The following GLG1 variants were observed in gnomAD, a reference collection of about 807,000 sequenced individuals.
GLG1 encodes the protein Golgi apparatus protein 1.
A neutral mutation model predicts 160.5 loss-of-function variants in GLG1; 38 were observed. The ratio of observed to expected loss-of-function variants is 0.24; its 90% confidence interval spans 0.18 to 0.31. The LOEUF (loss-of-function observed/expected upper bound fraction) is 0.31. Ranked by LOEUF, GLG1 falls within the 10% of genes least tolerant of loss-of-function variation. The pLI is 1.00. For missense variants in GLG1, 1,373 were observed against 1,505.2 expected (o/e 0.91, Z 1.45); for synonymous variants, 644 against 543.4 (o/e 1.19, Z -2.57).
chr16:74,590,030 T>C (rs1265902353), intron 1 of GLG1, among the ~76,000 whole-genome samples: 3 of 152,106 alleles, frequency 2.0e-5, no homozygotes, highest in Non-Finnish European at 4.4e-5. Context: ...AGATGGAGTC[T>C]AGCTCTGTAG....
chr16:74,578,377 T>C (rs1957862723), intron 1 of GLG1, among the ~76,000 whole-genome samples: 1 of 152,228 alleles, frequency 6.6e-6, no homozygotes, highest in South Asian at 2.1e-4. Context: ...TAGGATGTCT[T>C]ACTTTATGAA....
At chr16:74,572,504 C>T (rs1414801309) in intron 1 of GLG1, among the ~76,000 whole-genome samples, 2 of 144,034 alleles carry the variant, frequency 1.4e-5, no homozygotes, top group Non-Finnish European at 3.0e-5. Context: ...CAGAGTGAGA[C>T]TCTGTCTCAA....
chr16:74,577,239 G>A (rs1355500811), intron 1 of GLG1, among the ~76,000 whole-genome samples: 1 of 152,018 alleles, frequency 6.6e-6, no homozygotes, highest in African/African-American at 2.4e-5. Context: ...TAGACATTGA[G>A]GACTGGGTGT....
chr16:74,514,759 CATA>C, intron 2 of GLG1, among the ~76,000 whole-genome samples: 1 of 152,274 alleles, frequency 6.6e-6, no homozygotes, highest in South Asian at 2.1e-4. Flanking sequence ...CAGCTAGCAT[CATA>C]ATGACAGGAT....
At chr16:74,459,645 AGAAAT>A (rs2014705923) in intron 23 of GLG1, 32 bp downstream of exon 23, 3 of 1,051,772 alleles carry the variant, frequency 2.9e-6, no homozygotes, top group Admixed American at 2.2e-5. Flanking sequence ...AAAAAAAAAA[AGAAAT>A]GAAGTGAGGA....
intron 10 of GLG1, among the ~76,000 whole-genome samples, chr16:74,482,795 C>G (rs766603589): frequency 3.3e-5 from 5 of 152,126 alleles, no homozygotes; most frequent in Non-Finnish European, 7.3e-5. Context: ...CTTCCAAAGT[C>G]GTGGTGAACA....
chr16:74,490,278 C>T (rs1351757308), intron 8 of GLG1, among the ~76,000 whole-genome samples: 4 of 151,968 alleles, frequency 2.6e-5, no homozygotes, highest in Non-Finnish European at 4.4e-5. Context: ...TGTTTATAAA[C>T]GCTAGATCAA....
chr16:74,510,552 A>C (rs1407216312), intron 2 of GLG1, among the ~76,000 whole-genome samples: 3 of 152,192 alleles, frequency 2.0e-5, no homozygotes, highest in African/African-American at 7.2e-5. Flanking sequence ...ATGAAGATGT[A>C]TGTATATATT....
intron 1 of GLG1, among the ~76,000 whole-genome samples, chr16:74,563,737 A>C (rs558328490): frequency 2.6e-5 from 4 of 152,136 alleles, no homozygotes; most frequent in Non-Finnish European, 4.4e-5. Context: ...AAAAAAAAAA[A>C]AAAGAAAGAA....
At chr16:74,542,708 G>GGAAGGGAGGGAGGGA in intron 1 of GLG1, among the ~76,000 whole-genome samples, 1 of 49,944 alleles carries the variant, frequency 2.0e-5, no homozygotes, top group South Asian at 8.5e-4. Context: ...GAGGGAGGAA[G>GGAAGGGAGGGAGGGA]GGAAGAAGGG....
intron 12 of GLG1, among the ~76,000 whole-genome samples, chr16:74,476,106 C>T (rs182335775): frequency 5.3e-5 from 8 of 151,962 alleles, no homozygotes; most frequent in Admixed American, 3.3e-4. Context: ...TGCTTGAACC[C>T]GGGAGGCAGA....
intron 4 of GLG1, among the ~76,000 whole-genome samples, chr16:74,501,871 CCTTT>C (rs565144623): frequency 3.4e-4 from 52 of 152,170 alleles, no homozygotes; most frequent in Non-Finnish European, 6.8e-4. Context: ...TTAAAGCTGT[CCTTT>C]CTTTATTTGC....
At chr16:74,532,945 A>G (rs1459321785) in intron 1 of GLG1, among the ~76,000 whole-genome samples, 1 of 152,226 alleles carries the variant, frequency 6.6e-6, no homozygotes, top group Non-Finnish European at 1.5e-5. Context: ...TCATAACAAA[A>G]AGTTTTTTAA....
At chr16:74,461,810 A>G (rs543585231) in intron 22 of GLG1, 1 of 267,252 alleles carries the variant, frequency 3.7e-6, no homozygotes, top group Non-Finnish European at 7.0e-6. Flanking sequence ...TGGGTTTACC[A>G]TCCAGAATAA....
At chr16:74,593,171 A>G (rs1383714919) in intron 1 of GLG1, among the ~76,000 whole-genome samples, 1 of 152,132 alleles carries the variant, frequency 6.6e-6, no homozygotes, top group East Asian at 1.9e-4. Context: ...TTTATATATT[A>G]CCCAGTCTTG....
intron 1 of GLG1, among the ~76,000 whole-genome samples, chr16:74,599,660 C>T (rs558077144): frequency 2.3e-4 from 35 of 152,246 alleles, no homozygotes; most frequent in Non-Finnish European, 4.1e-4. Flanking sequence ...GTCAGGAGAT[C>T]GAGACCATCC....
intron 14 of GLG1, among the ~76,000 whole-genome samples, chr16:74,472,094 C>CA (rs1467062402): frequency 1.3e-5 from 2 of 152,040 alleles, no homozygotes; most frequent in East Asian, 3.9e-4. Flanking sequence ...TTTGTAGAGA[C>CA]AGAGTTTTGC....
At chr16:74,456,278 C>T (rs915228308) in intron 25 of GLG1, among the ~76,000 whole-genome samples, 6 of 152,210 alleles carry the variant, frequency 3.9e-5, no homozygotes, top group South Asian at 2.1e-4. Flanking sequence ...CACAGGGAGA[C>T]GGCTCCAGGC....
Position 74,451,717 on chromosome 16 carries a change from G to C in GLG1, c.*1450C>G. 1 of 305,576 alleles carries C rather than the reference G, an allele frequency of 3.3e-6. No individual in the cohort carries two copies. 18.9% of individuals were successfully genotyped at this position (305,576 alleles called of 1,614,324 possible). A position where few individuals can be genotyped will look rare whatever the true frequency, so the allele number is the denominator to read the frequency against. On this transcript the variant is annotated 3_prime_UTR_variant, in exon 26 of 26. Coordinates refer to ENST00000422840, the MANE Select transcript of GLG1 (RefSeq NM_001145667.2). ...CACTGCTCTCTTGTGCAGCCACTGT[G>C]ATCTCATGCCCCAAACTCAACCAAA...
Sources: gnomAD v4.1 joint callset for allele counts (sites outside exome capture counted in the v4.1 genomes callset) on GRCh38, gnomAD v4.1.1 for gene constraint, MANE v1.5 for transcripts, NCBI Gene and HGNC (gene_info 2026-07-23, HGNC 2026-07-21) for gene names.